The following GPR158 variants were observed in gnomAD, a reference collection of about 807,000 sequenced individuals.
The protein encoded by GPR158 is metabotropic glycine receptor.
A neutral mutation model predicts 78.2 loss-of-function variants in GPR158; 30 were observed. The observed-to-expected ratio is 0.38, with a 90% CI of 0.29 to 0.52. The LOEUF (loss-of-function observed/expected upper bound fraction) is 0.52, where lower values mean the gene tolerates loss of function less well. GPR158 is among the 20% of genes least tolerant of loss of function. The pLI is 0.83. For missense variants in GPR158, 1,463 were observed against 1,523.5 expected (o/e 0.96, Z 0.66); for synonymous variants, 581 against 591.1 (o/e 0.98, Z 0.25).
At chr10:25,246,954 A>C (rs1335471686) in intron 2 of GPR158, among the ~76,000 whole-genome samples, 1 of 152,248 alleles carries the variant, frequency 6.6e-6, no homozygotes, top group Non-Finnish European at 1.5e-5. Context: ...ATTAATCTAA[A>C]TTAACAGATT....
At chr10:25,545,366 C>T (rs1836649522) in intron 5 of GPR158, among the ~76,000 whole-genome samples, 1 of 152,196 alleles carries the variant, frequency 6.6e-6, no homozygotes, top group Non-Finnish European at 1.5e-5. Context: ...TCTCCAGGAT[C>T]TGTTGTTTCC....
At chr10:25,420,913 T>A (rs1834741079) in intron 4 of GPR158, among the ~76,000 whole-genome samples, 1 of 152,214 alleles carries the variant, frequency 6.6e-6, no homozygotes, top group Admixed American at 6.5e-5. Context: ...CCTCCAACTT[T>A]ATTCTTTTTA....
Position 25,175,988 on chromosome 10 carries a change from G to GTCT in GPR158, c.571_573dup (p.Phe191dup). 1 of 1,613,284 alleles carries GTCT rather than the reference G, an allele frequency of 6.2e-7. No homozygotes were observed. The highest frequency in any genetic ancestry group is 8.5e-7 in the Non-Finnish European group (1 of 1,179,924). On this transcript the variant is annotated inframe_insertion, in exon 1 of 11. Coordinates refer to ENST00000376351, the MANE Select transcript of GPR158 (RefSeq NM_020752.3). This position sits in a 1 kb window ranked among gnomAD's most constrained non-coding sequence, Gnocchi z 6.4. Reference sequence around the variant, plus strand: ...TTCGCTGTCCGCACCGGCCCCACAGGTCTTCCTCCAGGCCACGCGCGAGGA... The same window carrying GTCT: ...TTCGCTGTCCGCACCGGCCCCACAGGTCTTCTTCCTCCAGGCCACGCGCGAGGA...
chr10:25,470,896 A>G (rs1238822610), intron 5 of GPR158, among the ~76,000 whole-genome samples: 1 of 152,034 alleles, frequency 6.6e-6, no homozygotes, highest in Non-Finnish European at 1.5e-5. Context: ...TCAATTTTCC[A>G]CCCAGTAGCC....
chr10:25,500,106 GA>G (rs1835933183), intron 5 of GPR158, among the ~76,000 whole-genome samples: 1 of 152,036 alleles, frequency 6.6e-6, no homozygotes, highest in South Asian at 2.1e-4. Flanking sequence ...ACTTACATAT[GA>G]ACTTTTCACT....
chr10:25,187,983 C>A (rs1852712050), intron 1 of GPR158, among the ~76,000 whole-genome samples: 1 of 152,154 alleles, frequency 6.6e-6, no homozygotes, highest in Non-Finnish European at 1.5e-5. Flanking sequence ...TTCCTATACA[C>A]CAATAACAGA....
At chr10:25,376,207 C>T (rs1210414273) in intron 2 of GPR158, among the ~76,000 whole-genome samples, 1 of 151,448 alleles carries the variant, frequency 6.6e-6, no homozygotes, top group Non-Finnish European at 1.5e-5. Flanking sequence ...TTAGTTTCCA[C>T]TTGTTTATTG....
At chr10:25,277,747 G>C (rs879751809) in intron 2 of GPR158, among the ~76,000 whole-genome samples, 6 of 152,102 alleles carry the variant, frequency 3.9e-5, no homozygotes, top group Non-Finnish European at 7.4e-5. Context: ...ACTCTTCAGA[G>C]GAAAATAGCC....
At chr10:25,438,676 A>T (rs964435460) in intron 4 of GPR158, among the ~76,000 whole-genome samples, 1 of 152,200 alleles carries the variant, frequency 6.6e-6, no homozygotes, top group Non-Finnish European at 1.5e-5. Context: ...ACTTCCTCCA[A>T]ATTTAATGAA....
intron 4 of GPR158, among the ~76,000 whole-genome samples, chr10:25,430,456 A>G (rs1057065301): frequency 6.7e-6 from 1 of 149,444 alleles, no homozygotes; most frequent in Non-Finnish European, 1.5e-5. Context: ...TTACAGATTC[A>G]ATGCCATCCC....
At position 25,572,734 on chromosome 10, in the gene GPR158, C is replaced by A. The variant is rs781089282; in HGVS notation, c.1600C>A (p.Leu534Ile). 4.3e-6 allele frequency: 7 copies of A among 1,613,676 alleles called. No individual in the cohort carries two copies. The highest frequency in any genetic ancestry group is 1.3e-5 in the African/African-American group (1 of 74,882). Residue 534 changes from leucine (L) to isoleucine (I), a missense_variant, in exon 7 of 11, where the codon CTC becomes ATC. Coordinates refer to ENST00000376351, the MANE Select transcript of GPR158 (RefSeq NM_020752.3). ...GRVMRMLAVI[L>I]LVVFWFLIGW... is the part of the protein sequence containing the mutation. ...GGTCATGAGGATGCTGGCAGTAATA[C>A]TCTTGGTAGTGTTTTGGTTTCTCAT...
intron 2 of GPR158, among the ~76,000 whole-genome samples, chr10:25,250,952 C>G (rs1853788472): frequency 6.6e-6 from 1 of 151,326 alleles, no homozygotes; most frequent in African/African-American, 2.4e-5. Context: ...GCGTCTAAGT[C>G]TCTTTGTAGG....
rs547346660 is a variant in GPR158 at position 25,493,345 on chromosome 10, C to T, written c.1404+26626C>T. Among the ~76,000 whole-genome samples, 202 of 152,278 alleles carry T rather than the reference C, an allele frequency of 1.3e-3. 1 individual carries two copies. Among genetic ancestry groups the T allele is most frequent in the African/African-American group, 4.8e-3 (199 of 41,558 alleles). ...ATAACCCAGTGTCATTCTATTCCAG[C>T]CAAGTTTATCTCTGCACCACTCAGA... On this transcript the variant is annotated intron_variant, in intron 5 of 10. Transcript: ENST00000376351.
At chr10:25,222,972 G>T (rs1006805968) in intron 2 of GPR158, among the ~76,000 whole-genome samples, 5 of 152,152 alleles carry the variant, frequency 3.3e-5, no homozygotes, top group African/African-American at 9.6e-5. Flanking sequence ...CATACTGAAA[G>T]AACCTCTTTC....
chr10:25,443,385 C>A (rs1835094465), intron 4 of GPR158, among the ~76,000 whole-genome samples: 1 of 151,720 alleles, frequency 6.6e-6, no homozygotes, highest in African/African-American at 2.4e-5. Flanking sequence ...TGAAACCCCA[C>A]CTCTATTAAA....
chr10:25,428,135 A>G (rs994750142), intron 4 of GPR158, among the ~76,000 whole-genome samples: 2 of 152,092 alleles, frequency 1.3e-5, no homozygotes, highest in Non-Finnish European at 2.9e-5. Context: ...TAGCAAAACA[A>G]TGTTAAGGTA....
chr10:25,425,765 T>G (rs1180768360), intron 4 of GPR158, among the ~76,000 whole-genome samples: 2 of 152,134 alleles, frequency 1.3e-5, no homozygotes, highest in Non-Finnish European at 1.5e-5. Flanking sequence ...TTAGCACTCC[T>G]GGGCTTCTCT....
chr10:25,357,770 A>T (rs997582984), intron 2 of GPR158, among the ~76,000 whole-genome samples: 1 of 150,428 alleles, frequency 6.6e-6, no homozygotes, highest in African/African-American at 2.5e-5. Context: ...TGAAAGGGAA[A>T]TGTGGGGTCA....
chr10:25,275,372 A>G (rs543046788), intron 2 of GPR158, among the ~76,000 whole-genome samples: 1 of 152,300 alleles, frequency 6.6e-6, no homozygotes, highest in African/African-American at 2.4e-5. Flanking sequence ...CCACTGGTTT[A>G]TTAAGTAGTA....
Sources: gnomAD v4.1 joint callset for allele counts (sites outside exome capture counted in the v4.1 genomes callset) on GRCh38, gnomAD v4.1.1 for gene constraint, Gnocchi (gnomAD v3.1) non-coding constraint, MANE v1.5 for transcripts, NCBI Gene and HGNC (gene_info 2026-07-23, HGNC 2026-07-21) for gene names.